LMBRD1: variants seen among roughly 807,000 people sequenced by gnomAD.
LMBRD1 encodes LMBR1 domain containing 1.
LMBRD1 carries 64 observed loss-of-function variants against 74.8 expected under a neutral mutation model. The ratio of observed to expected loss-of-function variants is 0.86; its 90% confidence interval spans 0.70 to 1.05. The LOEUF (loss-of-function observed/expected upper bound fraction) is 1.05. Among genes scored for constraint, LMBRD1 ranks in the 50% least tolerant of loss-of-function variants. LMBRD1 has a pLI of 0.00. For missense variants in LMBRD1, 652 were observed against 645.9 expected (o/e 1.01, Z -0.10); for synonymous variants, 204 against 216.3 (o/e 0.94, Z 0.50).
chr6:69,678,576 T>C (rs1374909385), intron 14 of LMBRD1, among the ~76,000 whole-genome samples: 1 of 152,182 alleles, frequency 6.6e-6, no homozygotes, highest in Non-Finnish European at 1.5e-5. Flanking sequence ...GGCCTACTTC[T>C]TTTCAGTCTG....
intron 3 of LMBRD1, among the ~76,000 whole-genome samples, chr6:69,755,161 C>T (rs1765241443): frequency 6.6e-6 from 1 of 152,108 alleles, no homozygotes; most frequent in South Asian, 2.1e-4. Flanking sequence ...TTTACAATAG[C>T]AAAGACTTGG....
chr6:69,697,262 A>C (rs1419849790), intron 14 of LMBRD1, among the ~76,000 whole-genome samples: 1 of 152,002 alleles, frequency 6.6e-6, no homozygotes, highest in African/African-American at 2.4e-5. Flanking sequence ...GATTCCACCA[A>C]ACTCCTTTAT....
intron 9 of LMBRD1, among the ~76,000 whole-genome samples, chr6:69,710,341 T>C (rs546203683): frequency 1.3e-5 from 2 of 152,160 alleles, no homozygotes; most frequent in Admixed American, 6.5e-5. Context: ...AGTCATACCA[T>C]AGCACAAAAG....
chr6:69,778,994 T>C (rs945164601), intron 3 of LMBRD1, among the ~76,000 whole-genome samples: 1 of 151,982 alleles, frequency 6.6e-6, no homozygotes, highest in Non-Finnish European at 1.5e-5. Context: ...AAGACCAGCC[T>C]GGCCAACATG....
chr6:69,708,323 A>G (rs1038178016), intron 9 of LMBRD1, among the ~76,000 whole-genome samples: 2 of 152,230 alleles, frequency 1.3e-5, no homozygotes, highest in African/African-American at 4.8e-5. Context: ...TTTCCATGGT[A>G]GGATTTAAGA....
chr6:69,679,701 C>T (rs1294390247), intron 14 of LMBRD1, among the ~76,000 whole-genome samples: 3 of 152,092 alleles, frequency 2.0e-5, no homozygotes, highest in Admixed American at 2.0e-4. Flanking sequence ...AGGCTCCGGA[C>T]TCTGACAGAC....
chr6:69,704,571 A>G (rs1000942755), intron 9 of LMBRD1, among the ~76,000 whole-genome samples: 1 of 152,136 alleles, frequency 6.6e-6, no homozygotes, highest in Non-Finnish European at 1.5e-5. Context: ...CTGGCATCAG[A>G]TGTTCCAAGC....
chr6:69,780,722 G>A (rs1765815233), intron 2 of LMBRD1, among the ~76,000 whole-genome samples, 168 bp from the exon 3 acceptor site: 1 of 152,164 alleles, frequency 6.6e-6, no homozygotes, highest in African/African-American at 2.4e-5. Context: ...ATTTCAGTAT[G>A]TAAATGCTGA....
chr6:69,771,289 G>A (rs1265556390), intron 3 of LMBRD1, among the ~76,000 whole-genome samples: 1 of 152,202 alleles, frequency 6.6e-6, no homozygotes, highest in African/African-American at 2.4e-5. Context: ...GCAGGATTCA[G>A]TTCCTCACTA....
intron 14 of LMBRD1, among the ~76,000 whole-genome samples, chr6:69,692,685 C>G (rs962392600): frequency 1.3e-5 from 2 of 151,990 alleles, no homozygotes; most frequent in African/African-American, 4.8e-5. Context: ...TTAACTTACT[C>G]TTTTGGGTCC....
At chr6:69,720,252 T>C (rs929215444) in intron 7 of LMBRD1, among the ~76,000 whole-genome samples, 8 of 152,150 alleles carry the variant, frequency 5.3e-5, no homozygotes, top group Admixed American at 6.6e-5. Flanking sequence ...TCATGTAATA[T>C]CAACTCTACA....
rs1035284268 is a variant in LMBRD1 at position 69,726,202 on chromosome 6, C to T, written c.637-7121G>A. 3.3e-5 allele frequency among the ~76,000 whole-genome samples: 5 copies of T among 152,210 alleles called. No individual in the cohort carries two copies. The East Asian group carries it at 9.6e-4, about 29-fold the overall frequency. ...TATCATTTCACTCTGATTAAAAGGG[C>T]TTTTATCTAAAAGTCAGGCAACAAC... On this transcript the variant is annotated intron_variant, in intron 7 of 15. Transcript: ENST00000649934.
rs1766056250 is a variant in LMBRD1 at position 69,790,480 on chromosome 6, A to G, written c.70-8T>C. ...GCAGAATGCCAAAATAGCCTGAAATAGAACAAAAAGAGATGTTTGTTACTA... is the reference window on the plus strand; with the variant it reads ...GCAGAATGCCAAAATAGCCTGAAATGGAACAAAAAGAGATGTTTGTTACTA... On this transcript the variant is annotated splice_region_variant and splice_polypyrimidine_tract_variant and intron_variant, in intron 1 of 15. Transcript: ENST00000649934. 1 of 1,613,060 alleles carries G rather than the reference A, an allele frequency of 6.2e-7. No individual in the cohort carries two copies. Among genetic ancestry groups the G allele is most frequent in the South Asian group, 1.1e-5 (1 of 91,070 alleles).
At chr6:69,693,826 A>G (rs1287096209) in intron 14 of LMBRD1, among the ~76,000 whole-genome samples, 1 of 151,962 alleles carries the variant, frequency 6.6e-6, no homozygotes, top group Non-Finnish European at 1.5e-5. Context: ...TTCACTTAAA[A>G]AAACTACCCT....
In LMBRD1 at chr6:69,764,315, C is replaced by T. The variant is rs145468265; in HGVS notation, c.308-11959G>A. ...GAAGAGAAAGAGACCAGAGTACATG[C>T]GCTAGATCGTTACCTCACTCTCTCT... On this transcript the variant is annotated intron_variant, in intron 3 of 15. Coordinates refer to ENST00000649934, the MANE Select transcript of LMBRD1 (RefSeq NM_018368.4). Among the ~76,000 whole-genome samples, 723 of 148,790 alleles carry T rather than the reference C, an allele frequency of 4.9e-3. 8 individuals are homozygous for T. Among genetic ancestry groups the T allele is most frequent in the Middle Eastern group, 0.017 (5 of 286 alleles).
chr6:69,676,619 A>G, intron 14 of LMBRD1, 78 bp from the exon 15 acceptor site: 1 of 1,136,950 alleles, frequency 8.8e-7, no homozygotes. Context: ...CTAAAAGATT[A>G]TTAACCAAAG....
At chr6:69,758,121 C>T (rs960476273) in intron 3 of LMBRD1, among the ~76,000 whole-genome samples, 7 of 152,072 alleles carry the variant, frequency 4.6e-5, no homozygotes, top group African/African-American at 9.7e-5. Context: ...TTAAAAGCCA[C>T]GTATCATTAA....
chr6:69,682,860 G>A (rs1052756879), intron 14 of LMBRD1, among the ~76,000 whole-genome samples: 2 of 151,948 alleles, frequency 1.3e-5, no homozygotes, highest in African/African-American at 4.8e-5. Context: ...ATACAGATAT[G>A]TGTGGTATAT....
rs377385615 is a variant in LMBRD1 at position 69,676,002 on chromosome 6, T to C, written c.*156A>G. Reference sequence around the variant, plus strand: ...TAAAATGTTAATCTATGATACAATGTTACTTCAGAAAACATATAATAAAAT... The same window carrying C: ...TAAAATGTTAATCTATGATACAATGCTACTTCAGAAAACATATAATAAAAT... On this transcript the variant is annotated 3_prime_UTR_variant, in exon 16 of 16. Coordinates refer to ENST00000649934, the MANE Select transcript of LMBRD1 (RefSeq NM_018368.4). 1 of 648,184 alleles carries C rather than the reference T, an allele frequency of 1.5e-6. No individual in the cohort carries two copies. Among genetic ancestry groups the C allele is most frequent in the East Asian group, 2.8e-5 (1 of 35,838 alleles). 40.2% of individuals were successfully genotyped at this position (648,184 alleles called of 1,614,324 possible). A position where few individuals can be genotyped will look rare whatever the true frequency, so the allele number is the denominator to read the frequency against.
Sources: allele counts gnomAD v4.1 joint callset (sites outside exome capture counted in the v4.1 genomes callset), GRCh38; gene constraint gnomAD v4.1.1; transcripts MANE v1.5; gene names NCBI Gene and HGNC (gene_info 2026-07-23, HGNC 2026-07-21).